ANKRD45: variants seen among roughly 807,000 people sequenced by gnomAD.
ANKRD45 encodes the protein ankyrin repeat domain-containing protein 45.
ANKRD45 carries 21 observed loss-of-function variants against 28.1 expected under a neutral mutation model. That is an observed-to-expected ratio of 0.75 (90% CI 0.53 to 1.08). The LOEUF is 1.08. ANKRD45 is among the 50% of genes least tolerant of loss of function. The pLI is 0.00. For missense variants in ANKRD45, 261 were observed against 308.7 expected (o/e 0.85, Z 1.16); for synonymous variants, 86 against 103.9 (o/e 0.83, Z 1.05).
intron 1 of ANKRD45, chr1:173,667,698 C>A: frequency 2.3e-6 from 1 of 433,460 alleles, no homozygotes; most frequent in South Asian, 1.7e-5. Context: ...CAGAATGAGA[C>A]CCCATCTTAA....
At chr1:173,674,684 C>G (rs374249483), upstream of ANKRD45, among the ~76,000 whole-genome samples, 7 of 152,184 alleles carry the variant, frequency 4.6e-5, no homozygotes, top group African/African-American at 1.7e-4. Context: ...CAAATGGTTG[C>G]ATTCTGATTA....
intron 4 of ANKRD45, 42 bp from the exon 5 acceptor site, chr1:173,624,967 G>T: frequency 1.3e-6 from 2 of 1,575,830 alleles, no homozygotes; most frequent in South Asian, 1.2e-5. Flanking sequence ...CTTATTTATT[G>T]AAAAATAAAA....
chr1:173,653,071 G>A (rs1055267884), intron 2 of ANKRD45, among the ~76,000 whole-genome samples: 1 of 151,974 alleles, frequency 6.6e-6, no homozygotes, highest in African/African-American at 2.4e-5. Context: ...TGATTTTTTT[G>A]AAGGGTTTTT....
chr1:173,654,772 A>G (rs546834591), intron 2 of ANKRD45, among the ~76,000 whole-genome samples: 1 of 152,182 alleles, frequency 6.6e-6, no homozygotes, highest in African/African-American at 2.4e-5. Flanking sequence ...ATAATCCCAT[A>G]TTTCTTAGAG....
intron 1 of ANKRD45, chr1:173,669,392 T>C: frequency 2.3e-6 from 1 of 433,490 alleles, no homozygotes; most frequent in Non-Finnish European, 4.4e-6. Flanking sequence ...AACTGATTTT[T>C]TTCTTCAAAA....
chr1:173,682,527 T>A, the ANKRD45 span, among the ~76,000 whole-genome samples: 2 of 152,004 alleles, frequency 1.3e-5, no homozygotes, highest in Admixed American at 1.3e-4. Context: ...ATTTTAGGTC[T>A]CTTATGCAGC....
the ANKRD45 span, among the ~76,000 whole-genome samples, chr1:173,687,158 A>T: frequency 1.4e-4 from 21 of 152,220 alleles, no homozygotes; most frequent in Non-Finnish European, 2.9e-4. Flanking sequence ...AAAAATCCAC[A>T]TTCTTATGCA....
rs1667033491 is a variant in ANKRD45 at position 173,608,909 on chromosome 1, G to GA, written c.*1235_*1236insT. 4.0e-5 allele frequency among the ~76,000 whole-genome samples: 3 copies of GA among 75,480 alleles called. No individual in the cohort carries two copies. The highest frequency in any genetic ancestry group is 1.7e-4 in the African/African-American group (3 of 17,712). 49.5% of individuals were successfully genotyped at this position (75,480 alleles called of 152,430 possible). On this transcript the variant is annotated 3_prime_UTR_variant, in exon 6 of 6. Transcript: ENST00000333279. ...GGAGGGGAGGGGAGAGGAAGGGAGA[G>GA]GAAGGGAGGGGAAGGGAGGGGAAGG...
chr1:173,665,297 T>A (rs906923137), intron 1 of ANKRD45, among the ~76,000 whole-genome samples: 14 of 152,130 alleles, frequency 9.2e-5, no homozygotes, highest in African/African-American at 3.4e-4. Context: ...TGCCTCCACC[T>A]CCCAAGTAGC....
chr1:173,614,252 C>A (rs183642152), intron 5 of ANKRD45, among the ~76,000 whole-genome samples: 1 of 149,796 alleles, frequency 6.7e-6, no homozygotes, highest in African/African-American at 2.4e-5. Flanking sequence ...GAGAAACACC[C>A]AAGAATGATC....
chr1:173,652,519 C>T (rs1669280660), intron 2 of ANKRD45, among the ~76,000 whole-genome samples: 2 of 152,106 alleles, frequency 1.3e-5, no homozygotes, highest in Non-Finnish European at 2.9e-5. Flanking sequence ...TGAGGATTTT[C>T]ACATCGATGT....
intron 5 of ANKRD45, among the ~76,000 whole-genome samples, chr1:173,611,807 T>C (rs1667170907): frequency 6.6e-6 from 1 of 152,148 alleles, no homozygotes; most frequent in Non-Finnish European, 1.5e-5. Context: ...CAAATAAAGT[T>C]TTTTGTGTTC....
At chr1:173,619,131 A>C (rs978900182) in intron 5 of ANKRD45, among the ~76,000 whole-genome samples, 20 of 152,364 alleles carry the variant, frequency 1.3e-4, no homozygotes, top group African/African-American at 4.6e-4. Context: ...GGAGCTCCTG[A>C]AGGGAGCACT....
At chr1:173,651,385 C>T (rs1005974300) in intron 2 of ANKRD45, among the ~76,000 whole-genome samples, 1 of 152,102 alleles carries the variant, frequency 6.6e-6, no homozygotes, top group African/African-American at 2.4e-5. Flanking sequence ...TCGGGTTTGT[C>T]AAAGATCAGA....
At chr1:173,682,995 G>A in the ANKRD45 span, among the ~76,000 whole-genome samples, 24 of 144,492 alleles carry the variant, frequency 1.7e-4, no homozygotes, top group Admixed American at 1.2e-3. Context: ...AGCTTTTTTT[G>A]TGTGGGAATT....
At chr1:173,694,534 T>TTTA in the ANKRD45 span, among the ~76,000 whole-genome samples, 16,308 of 143,938 alleles carry the variant, frequency 0.11, 978 homozygotes, top group Middle Eastern at 0.21. Context: ...ACTTAAGAAG[T>TTTA]TTATTATTAT....
At chr1:173,626,997 G>A (rs1323812447) in intron 4 of ANKRD45, 68 bp downstream of exon 4, 3 of 1,157,508 alleles carry the variant, frequency 2.6e-6, no homozygotes, top group Non-Finnish European at 3.8e-6. Context: ...GAACATCAGT[G>A]CAAAAATTAA....
the ANKRD45 span, among the ~76,000 whole-genome samples, chr1:173,676,834 C>CA: frequency 0.42 from 40,863 of 98,424 alleles, 7,530 homozygotes; most frequent in East Asian, 0.66. Context: ...GACTCCATCT[C>CA]AAAAAAAAAA....
the ANKRD45 span, among the ~76,000 whole-genome samples, chr1:173,700,054 G>A: frequency 6.6e-6 from 1 of 152,160 alleles, no homozygotes; most frequent in Non-Finnish European, 1.5e-5. Flanking sequence ...CAAATCACGT[G>A]TGACTTCCCA....
Sources: gnomAD v4.1 joint callset for allele counts (sites outside exome capture counted in the v4.1 genomes callset) on GRCh38, gnomAD v4.1.1 for gene constraint, MANE v1.5 for transcripts, NCBI Gene and HGNC (gene_info 2026-07-23, HGNC 2026-07-21) for gene names.